Variants in CAMK2B observed in about 807,000 individuals in gnomAD.
CAMK2B encodes the protein calcium/calmodulin-dependent protein kinase type II subunit beta.
A neutral mutation model predicts 93.7 loss-of-function variants in CAMK2B; 27 were observed. That is an observed-to-expected ratio of 0.29 (90% CI 0.21 to 0.40). The LOEUF (loss-of-function observed/expected upper bound fraction) is 0.40. Among genes scored for constraint, CAMK2B ranks in the 10% least tolerant of loss-of-function variants. CAMK2B has a pLI of 1.00. For missense variants in CAMK2B, 568 were observed against 895.8 expected (o/e 0.63, Z 4.67); for synonymous variants, 374 against 358.8 (o/e 1.04, Z -0.48).
rs369989767 is a variant in CAMK2B at position 44,282,674 on chromosome 7, G to A, written c.160+1457C>T. ...AATGCTCCCAAGAAGGGGAAACACT[G>A]ATGGCCTAATACACAGCAGTCGCTC... On this transcript the variant is annotated intron_variant, in intron 2 of 23. Transcript: ENST00000395749. Among the ~76,000 whole-genome samples, 4 of 152,372 alleles carry A rather than the reference G, an allele frequency of 2.6e-5. No individual in the cohort carries two copies. In the East Asian group the frequency reaches 7.7e-4, roughly 29 times the overall value.
chr7:44,289,109 C>T (rs544824833), intron 1 of CAMK2B, among the ~76,000 whole-genome samples: 4 of 152,128 alleles, frequency 2.6e-5, no homozygotes, highest in African/African-American at 7.2e-5. Flanking sequence ...TCTGAGCTGC[C>T]CCCCCAACCC....
At position 44,286,957 on chromosome 7, in the gene CAMK2B, CA is replaced by C. The variant is rs1483413130; in HGVS notation, c.66-2733del. On this transcript the variant is annotated intron_variant, in intron 1 of 23. Coordinates refer to ENST00000395749, the MANE Select transcript of CAMK2B (RefSeq NM_001220.5). This position sits in a 1 kb window ranked among gnomAD's most constrained non-coding sequence, Gnocchi z 4.0. ...CAGCAGACACTCAGCAGGAAGGGACCAGGGGTGCAGGGACCAGGGGTGCAGG... is the reference window on the plus strand; with the variant it reads ...CAGCAGACACTCAGCAGGAAGGGACCGGGGTGCAGGGACCAGGGGTGCAGG... Among the ~76,000 whole-genome samples the C allele has an allele frequency of 5.3e-5, 8 of 152,048 alleles. No homozygotes were observed. The highest frequency in any genetic ancestry group is 2.9e-5 in the Non-Finnish European group (2 of 67,978).
At position 44,325,402 on chromosome 7, in the gene CAMK2B, C is replaced by T; in HGVS notation, c.20G>A (p.Cys7Tyr). ...CTGGTACTCGTCGGTGAAGCGGGTG[C>T]AGGTCACCGTGGTGGCCATGGCGGC... MATTVTCTRFTDEYQLY... is the reference protein window; with the variant it reads MATTVTYTRFTDEYQLY... Residue 7 changes from cysteine to tyrosine, a missense_variant, in exon 1 of 24, where the codon TGC becomes TAC. Around this residue, in one of 4 missense-constraint regions of CAMK2B, gnomAD observed 39 missense variants for 43.4 expected, o/e 0.90. Coordinates refer to ENST00000395749, the MANE Select transcript of CAMK2B (RefSeq NM_001220.5). The T allele has an allele frequency of 8.2e-7, 1 of 1,213,066 alleles. No individual in the cohort carries two copies. The highest frequency in any genetic ancestry group is 1.1e-6 in the Non-Finnish European group (1 of 948,968). 75.1% of individuals were successfully genotyped at this position (1,213,066 alleles called of 1,614,324 possible).
At chr7:44,306,798 G>GGGAGGAGGGTGTGGGCAGA (rs1791731410) in intron 1 of CAMK2B, among the ~76,000 whole-genome samples, 2 of 147,256 alleles carry the variant, frequency 1.4e-5, no homozygotes, top group African/African-American at 5.0e-5. Context: ...GTGTGGGCAG[G>GGGAGGAGGGTGTGGGCAGA]GGAGGAGGGT....
chr7:44,243,649 T>A, intron 6 of CAMK2B, 122 bp from the exon 7 acceptor site: 1 of 731,132 alleles, frequency 1.4e-6, no homozygotes, highest in Non-Finnish European at 2.3e-6. Context: ...TGCACAGGTC[T>A]GAGCCCTGCC....
chr7:44,296,395 A>G (rs1033253752), intron 1 of CAMK2B, among the ~76,000 whole-genome samples: 1 of 152,188 alleles, frequency 6.6e-6, no homozygotes, highest in African/African-American at 2.4e-5. Context: ...CTAAAATGCA[A>G]AGACAAAAAA....
chr7:44,272,953 C>T (rs904170468), intron 2 of CAMK2B, among the ~76,000 whole-genome samples: 3 of 152,228 alleles, frequency 2.0e-5, no homozygotes, highest in Non-Finnish European at 4.4e-5. Flanking sequence ...TTGTGCAGGG[C>T]TATGGTTTAA....
chr7:44,220,287 G>C lies in CAMK2B; in HGVS notation c.1776C>G (p.Ala592=). The change falls in exon 23 of 24, where the codon GCC becomes GCG. Residue 592 remains alanine, a synonymous_variant. Coordinates refer to ENST00000395749, the MANE Select transcript of CAMK2B (RefSeq NM_001220.5). ...TCGTGTGGATCGGCTTGCTGTTCTTGGCCAGCACTGTGGACAGCAGGCGGG... is the reference window on the plus strand; with the variant it reads ...TCGTGTGGATCGGCTTGCTGTTCTTCGCCAGCACTGTGGACAGCAGGCGGG... ...FHRFYFENLL[A]KNSKPIHTTI... is the part of the protein sequence containing the mutation. 1 of 1,612,040 alleles carries C rather than the reference G, an allele frequency of 6.2e-7. No individual in the cohort carries two copies. The highest frequency in any genetic ancestry group is 8.5e-7 in the Non-Finnish European group (1 of 1,179,342).
At chr7:44,233,224 A>C (rs867053816) in intron 15 of CAMK2B, among the ~76,000 whole-genome samples, 4 of 152,022 alleles carry the variant, frequency 2.6e-5, no homozygotes, top group African/African-American at 9.7e-5. Flanking sequence ...TTACTGCCTG[A>C]ACCTGTGCCC....
intron 12 of CAMK2B, 64 bp from the exon 13 acceptor site, chr7:44,239,727 C>T (rs955049608): frequency 1.7e-6 from 2 of 1,143,588 alleles, no homozygotes; most frequent in East Asian, 2.6e-5. Flanking sequence ...GAGGGGTGGG[C>T]GAGGTAAGGG....
rs547148742 is a variant in CAMK2B, at chr7:44,224,812, CA to C, written c.1597+1703del. 0.014 allele frequency among the ~76,000 whole-genome samples: 2,063 copies of C among 152,236 alleles called. 56 individuals are homozygous for C. The highest frequency in any genetic ancestry group is 0.047 in the African/African-American group (1,938 of 41,524). ...GGGCCGTGGGCACCTGCCCTATTTA[CA>C]CAGCTGGTGGGTGCCTTCTGGAGAA... On this transcript the variant is annotated intron_variant, in intron 20 of 23. Coordinates refer to ENST00000395749, the MANE Select transcript of CAMK2B (RefSeq NM_001220.5). This position sits in a 1 kb window ranked among gnomAD's most constrained non-coding sequence, Gnocchi z 4.4.
intron 2 of CAMK2B, among the ~76,000 whole-genome samples, chr7:44,263,462 G>A (rs947188215): frequency 3.3e-5 from 5 of 152,196 alleles, no homozygotes; most frequent in Non-Finnish European, 5.9e-5. Flanking sequence ...GAATGGGGCC[G>A]GGAGGGGGTT....
chr7:44,323,528 G>A (rs369175960), intron 1 of CAMK2B, among the ~76,000 whole-genome samples: 63 of 152,340 alleles, frequency 4.1e-4, no homozygotes, highest in African/African-American at 1.4e-3. Flanking sequence ...GGAATCGGAG[G>A]CTCAGCGGGG....
At chr7:44,220,934 C>T (rs772825200) in intron 20 of CAMK2B, 33 bp from the exon 21 acceptor site, 39 of 1,537,796 alleles carry the variant, frequency 2.5e-5, no homozygotes, top group South Asian at 3.6e-5. Flanking sequence ...GACCACTGGG[C>T]GCTGGCCCAT....
chr7:44,273,517 C>T (rs2096995758), intron 2 of CAMK2B, among the ~76,000 whole-genome samples: 1 of 141,080 alleles, frequency 7.1e-6, no homozygotes, highest in South Asian at 2.3e-4. Context: ...GCTTGCTAGG[C>T]CATCCCTCCC....
At position 44,222,764 on chromosome 7, in the gene CAMK2B, C is replaced by T. The variant is rs1444437155; in HGVS notation, c.1598-1863G>A. ...CAGCCAGAAGAGGGAATTCTCAGCACGCCTGGTGGTGGGGTTGCCTTTATC... is the reference window on the plus strand; with the variant it reads ...CAGCCAGAAGAGGGAATTCTCAGCATGCCTGGTGGTGGGGTTGCCTTTATC... On this transcript the variant is annotated intron_variant, in intron 20 of 23. Coordinates refer to ENST00000395749, the MANE Select transcript of CAMK2B (RefSeq NM_001220.5). 2.0e-5 allele frequency among the ~76,000 whole-genome samples: 3 copies of T among 152,176 alleles called. No individual in the cohort carries two copies. The East Asian group carries it at 5.8e-4, about 29-fold the overall frequency.
In CAMK2B at chr7:44,243,483, C is replaced by T; in HGVS notation, c.459G>A (p.Val153=). 6.2e-7 allele frequency: 1 copy of T among 1,614,138 alleles called. No individual in the cohort carries two copies. Among genetic ancestry groups the T allele is most frequent in the Non-Finnish European group, 8.5e-7 (1 of 1,180,020 alleles). Residue 153 remains valine (V), a synonymous_variant, in exon 7 of 24, where the codon GTG becomes GTA. Coordinates refer to ENST00000395749, the MANE Select transcript of CAMK2B (RefSeq NM_001220.5). Reference sequence around the variant, plus strand: ...TAGCTAGGCCGAAGTCTGCCAGCTTCACTGCAGCCCCTTTGCACTTGCTGG... The same window carrying T: ...TAGCTAGGCCGAAGTCTGCCAGCTTTACTGCAGCCCCTTTGCACTTGCTGG... ...LLASKCKGAA[V]KLADFGLAIE...
chr7:44,249,239 G>A (rs1231151338), intron 5 of CAMK2B, among the ~76,000 whole-genome samples: 1 of 152,214 alleles, frequency 6.6e-6, no homozygotes, highest in Admixed American at 6.5e-5. Context: ...AGGCCTGTGA[G>A]CCTAAGCATG....
chr7:44,266,496 C>T (rs1440656657), intron 2 of CAMK2B, among the ~76,000 whole-genome samples: 3 of 152,222 alleles, frequency 2.0e-5, no homozygotes, highest in African/African-American at 4.8e-5. Flanking sequence ...ACCTCCAGCT[C>T]GGTCTTATTC....
Sources: allele counts gnomAD v4.1 joint callset (sites outside exome capture counted in the v4.1 genomes callset), GRCh38; gene constraint gnomAD v4.1.1; regional missense constraint gnomAD v4.1.1; non-coding constraint Gnocchi (gnomAD v3.1); transcripts MANE v1.5; gene names NCBI Gene and HGNC (gene_info 2026-07-23, HGNC 2026-07-21).